EYA4: variants seen among roughly 807,000 people sequenced by gnomAD.
The protein encoded by EYA4 is protein phosphatase EYA4.
Under a neutral mutation model 87.9 loss-of-function variants are expected in EYA4, and 31 were observed. That is an observed-to-expected ratio of 0.35 (90% CI 0.27 to 0.48). The LOEUF (loss-of-function observed/expected upper bound fraction) is 0.48, where lower values mean the gene tolerates loss of function less well. Among genes scored for constraint, EYA4 ranks in the 20% least tolerant of loss-of-function variants. EYA4 has a pLI of 0.99. For synonymous variants in EYA4, 263 were observed against 270.6 expected, an observed-to-expected ratio of 0.97 and a Z score of 0.28; for missense variants, 678 against 761.4, an observed-to-expected ratio of 0.89 and a Z score of 1.29.
At chr6:133,519,280 A>G (rs1380120500) in intron 17 of EYA4, among the ~76,000 whole-genome samples, 1 of 151,660 alleles carries the variant, frequency 6.6e-6, no homozygotes. Flanking sequence ...AGAGAGAAGA[A>G]TCAAATAGAC....
At chr6:133,499,413 T>C (rs947983801) in intron 13 of EYA4, among the ~76,000 whole-genome samples, 1 of 152,184 alleles carries the variant, frequency 6.6e-6, no homozygotes, top group African/African-American at 2.4e-5. Flanking sequence ...ACTGTTGCCA[T>C]GTACTACCAC....
At chr6:133,270,702 C>G (rs965587973) in intron 1 of EYA4, among the ~76,000 whole-genome samples, 2 of 152,176 alleles carry the variant, frequency 1.3e-5, no homozygotes, top group African/African-American at 4.8e-5. Flanking sequence ...CTAGTCCTGC[C>G]TGGATTGGGC....
At chr6:133,250,549 G>C (rs892468055) in intron 1 of EYA4, among the ~76,000 whole-genome samples, 7 of 152,118 alleles carry the variant, frequency 4.6e-5, no homozygotes, top group African/African-American at 1.4e-4. Flanking sequence ...GGCTGAGGCA[G>C]GAGAATCACT....
chr6:133,474,148 G>A (rs1299393680), intron 11 of EYA4, among the ~76,000 whole-genome samples: 6 of 151,950 alleles, frequency 3.9e-5, no homozygotes, highest in African/African-American at 1.4e-4. Flanking sequence ...ATCAGAGACT[G>A]AATGATGGAC....
intron 13 of EYA4, among the ~76,000 whole-genome samples, chr6:133,498,357 A>G (rs1797812160): frequency 6.6e-6 from 1 of 152,196 alleles, no homozygotes. Flanking sequence ...GTTGTCTTGT[A>G]TATAAAATAA....
chr6:133,272,013 A>G (rs537094966), intron 1 of EYA4, among the ~76,000 whole-genome samples: 4 of 152,338 alleles, frequency 2.6e-5, no homozygotes, highest in African/African-American at 9.6e-5. Flanking sequence ...CCATCCAGCC[A>G]AAAACCATTG....
At chr6:133,519,290 C>T (rs1010102268) in intron 17 of EYA4, among the ~76,000 whole-genome samples, 7 of 151,556 alleles carry the variant, frequency 4.6e-5, no homozygotes, top group East Asian at 1.9e-4. Context: ...ATCAAATAGA[C>T]GCAATAAAAA....
intron 2 of EYA4, among the ~76,000 whole-genome samples, chr6:133,372,488 AC>A (rs1248171271): frequency 7.1e-6 from 1 of 140,938 alleles, no homozygotes; most frequent in Non-Finnish European, 1.6e-5. Context: ...AAAATATAAA[AC>A]TACTTTAAAA....
chr6:133,294,022 T>TACA (rs1562257388), intron 2 of EYA4, among the ~76,000 whole-genome samples: 4 of 50,016 alleles, frequency 8.0e-5, no homozygotes, highest in African/African-American at 2.4e-4. Flanking sequence ...CTAGGGTGAT[T>TACA]TTATATATAT....
chr6:133,299,561 A>T (rs2128311132), intron 2 of EYA4, among the ~76,000 whole-genome samples: 1 of 151,684 alleles, frequency 6.6e-6, no homozygotes, highest in African/African-American at 2.4e-5. Flanking sequence ...AATACACAAA[A>T]ATTAGCCAGG....
At chr6:133,322,307 C>T (rs964481415) in intron 2 of EYA4, among the ~76,000 whole-genome samples, 4 of 152,088 alleles carry the variant, frequency 2.6e-5, no homozygotes, top group Non-Finnish European at 5.9e-5. Flanking sequence ...ATTGTGTAGT[C>T]GTTGTGCTAT....
At chr6:133,246,952 G>A (rs953002782) in intron 1 of EYA4, 2 of 152,094 alleles carry the variant, frequency 1.3e-5, no homozygotes, top group Non-Finnish European at 2.9e-5. Flanking sequence ...CCTTAAGCGT[G>A]TGCTGGGCTC....
At chr6:133,521,298 G>A (rs1800107175) in intron 17 of EYA4, among the ~76,000 whole-genome samples, 1 of 150,500 alleles carries the variant, frequency 6.6e-6, no homozygotes, top group Admixed American at 6.6e-5. Context: ...TCAAAAAGTG[G>A]GCGAAGGACA....
At chr6:133,517,724 C>T (rs918967222) in intron 17 of EYA4, among the ~76,000 whole-genome samples, 15 of 151,098 alleles carry the variant, frequency 9.9e-5, no homozygotes, top group Admixed American at 7.9e-4. Flanking sequence ...TTCTAGGGAC[C>T]ATATTCCAGT....
intron 3 of EYA4, among the ~76,000 whole-genome samples, chr6:133,397,581 A>G (rs1787909613): frequency 6.6e-6 from 1 of 152,160 alleles, no homozygotes; most frequent in Admixed American, 6.5e-5. Flanking sequence ...TTTATTGTTT[A>G]TCAGTGCTCT....
At chr6:133,436,035 A>G (rs1791639009) in intron 3 of EYA4, among the ~76,000 whole-genome samples, 1 of 152,046 alleles carries the variant, frequency 6.6e-6, no homozygotes, top group African/African-American at 2.4e-5. Context: ...CCTGGCCAAC[A>G]TGGTGAAACC....
At chr6:133,524,519 C>G (rs771111647) in intron 18 of EYA4, among the ~76,000 whole-genome samples, 11 of 152,134 alleles carry the variant, frequency 7.2e-5, no homozygotes, top group Non-Finnish European at 1.3e-4. Flanking sequence ...TACTGTGGCC[C>G]AGTCAGACAG....
intron 7 of EYA4, chr6:133,461,982 T>A (rs1304345929): frequency 2.6e-5 from 9 of 350,282 alleles, no homozygotes; most frequent in Non-Finnish European, 4.9e-5. Context: ...ATTAATTAGC[T>A]AGTGTGTGCT....
At chr6:133,488,799 T>TATAA (rs561914941) in intron 13 of EYA4, among the ~76,000 whole-genome samples, 17 of 151,900 alleles carry the variant, frequency 1.1e-4, no homozygotes, top group Non-Finnish European at 2.2e-4. Flanking sequence ...AAAGGACAGG[T>TATAA]ATAAAGAAGC....
Sources: allele counts gnomAD v4.1 joint callset (sites outside exome capture counted in the v4.1 genomes callset), GRCh38; gene constraint gnomAD v4.1.1; transcripts MANE v1.5; gene names NCBI Gene and HGNC (gene_info 2026-07-23, HGNC 2026-07-21).